TSGA10: variants seen among roughly 807,000 people sequenced by gnomAD.
TSGA10 encodes the protein testis specific 10, also known as testis-specific gene 10 protein.
Under a neutral mutation model 96.6 loss-of-function variants are expected in TSGA10, and 43 were observed. That is an observed-to-expected ratio of 0.44 (90% CI 0.35 to 0.57). The LOEUF is 0.57. Among genes scored for constraint, TSGA10 ranks in the 20% least tolerant of loss-of-function variants. TSGA10 has a pLI of 0.01. For missense variants in TSGA10, 703 were observed against 834.4 expected (o/e 0.84, Z 1.94); for synonymous variants, 229 against 269.9 (o/e 0.85, Z 1.48).
intron 10 of TSGA10, among the ~76,000 whole-genome samples, chr2:99,099,442 A>G (rs1009793698): frequency 8.5e-5 from 13 of 152,244 alleles, no homozygotes; most frequent in African/African-American, 3.1e-4. Flanking sequence ...AACAAGCATA[A>G]TATAGTGTGA....
chr2:99,146,760 C>T (rs1354828783), intron 1 of TSGA10, among the ~76,000 whole-genome samples: 1 of 152,134 alleles, frequency 6.6e-6, no homozygotes, highest in Non-Finnish European at 1.5e-5. Context: ...TCCTGAGTAG[C>T]TGGAATTACA....
At chr2:99,077,753 G>A (rs1461660121) in intron 12 of TSGA10, among the ~76,000 whole-genome samples, 1 of 151,698 alleles carries the variant, frequency 6.6e-6, no homozygotes, top group African/African-American at 2.4e-5. Context: ...AATAGAGACG[G>A]GGGTTTCACT....
At chr2:99,096,267 C>G (rs2090024123) in intron 10 of TSGA10, among the ~76,000 whole-genome samples, 1 of 152,148 alleles carries the variant, frequency 6.6e-6, no homozygotes, top group Admixed American at 6.5e-5. Flanking sequence ...CTTATCAAAA[C>G]AAAATACAGA....
chr2:99,077,003 T>A (rs1298960489), intron 12 of TSGA10, among the ~76,000 whole-genome samples: 3 of 152,110 alleles, frequency 2.0e-5, no homozygotes, highest in African/African-American at 7.2e-5. Flanking sequence ...ATCAGGTGTG[T>A]TTTTGCCCAA....
intron 2 of TSGA10, 177 bp downstream of exon 2, chr2:99,126,871 A>C (rs545889748): frequency 2.3e-6 from 1 of 441,638 alleles, no homozygotes; most frequent in East Asian, 9.1e-5. Context: ...CGTAGTTTGC[A>C]CTCACTGACT....
intron 4 of TSGA10, among the ~76,000 whole-genome samples, chr2:99,116,683 A>G (rs1335177973): frequency 2.0e-5 from 3 of 152,120 alleles, no homozygotes; most frequent in Non-Finnish European, 4.4e-5. Flanking sequence ...AATCTCAGAC[A>G]TCAGTAAGAA....
chr2:99,068,888 T>C lies in TSGA10; in HGVS notation c.1218A>G (p.Glu406=). ...GCAAAAAGAAAAAAAAAATACATAC[T>C]TCAGACTTTAATATATTCTTCAGCT... is the stretch of plus-strand genomic sequence containing the variant. The part of the protein sequence containing the change: ...VNKLKNILKS[E]ESENRQMMEQ... Residue 406 remains glutamate, a splice_region_variant and synonymous_variant, in exon 15 of 21, where the codon GAA becomes GAG. Coordinates refer to ENST00000393483, the MANE Select transcript of TSGA10 (RefSeq NM_025244.4). 7 of 1,401,446 alleles carry C rather than the reference T, an allele frequency of 5.0e-6. No individual in the cohort carries two copies. Among genetic ancestry groups the C allele is most frequent in the Non-Finnish European group, 6.6e-6 (7 of 1,061,370 alleles). The allele number at this position is 1,401,446 out of a possible 1,614,324, so 86.8% of individuals were successfully genotyped here.
intron 12 of TSGA10, among the ~76,000 whole-genome samples, chr2:99,078,398 C>A (rs1300663639): frequency 2.7e-5 from 4 of 150,536 alleles, no homozygotes; most frequent in Non-Finnish European, 5.9e-5. Context: ...ATTTTGATAT[C>A]TGAATTAGTT....
At chr2:99,057,882 C>T (rs752105095) in intron 16 of TSGA10, among the ~76,000 whole-genome samples, 5 of 152,048 alleles carry the variant, frequency 3.3e-5, no homozygotes, top group Non-Finnish European at 7.4e-5. Flanking sequence ...CAGTGTGGTA[C>T]TGATATAAGG....
At chr2:99,097,910 A>G (rs576370102) in intron 10 of TSGA10, among the ~76,000 whole-genome samples, 11 of 152,352 alleles carry the variant, frequency 7.2e-5, no homozygotes, top group African/African-American at 9.6e-5. Flanking sequence ...AGCTATGTTA[A>G]TATCACACAA....
In TSGA10 at chr2:99,018,109, T is replaced by C. The variant is rs962181869; in HGVS notation, c.2072+91A>G. The C allele has an allele frequency of 1.4e-5, 18 of 1,300,818 alleles. No individual in the cohort carries two copies. In the South Asian group the frequency reaches 2.1e-4, roughly 15 times the overall value. The allele number at this position is 1,300,818 out of a possible 1,614,324, so 80.6% of individuals were successfully genotyped here. A position where few individuals can be genotyped will look rare whatever the true frequency, so the allele number is the denominator to read the frequency against. The stretch of plus-strand genomic sequence containing the variant: ...CATGTTTAAATATCACTATTAAAGA[T>C]AGACTATTGAGTTTCCTTATTACCC... On this transcript the variant is annotated intron_variant, in intron 20 of 20. Coordinates refer to ENST00000393483, the MANE Select transcript of TSGA10 (RefSeq NM_025244.4).
intron 10 of TSGA10, among the ~76,000 whole-genome samples, chr2:99,086,126 G>T (rs1036265621): frequency 6.7e-6 from 1 of 150,090 alleles, no homozygotes; most frequent in Non-Finnish European, 1.5e-5. Flanking sequence ...CCATGACAGG[G>T]GTTTACCTAC....
intron 2 of TSGA10, among the ~76,000 whole-genome samples, chr2:99,123,751 TCTGG>T (rs1391343350): frequency 6.6e-6 from 1 of 152,232 alleles, no homozygotes; most frequent in African/African-American, 2.4e-5. Flanking sequence ...TCTTCCTATG[TCTGG>T]CTTATTGTAC....
chr2:99,099,022 A>G (rs755510153), intron 10 of TSGA10, among the ~76,000 whole-genome samples: 6 of 152,214 alleles, frequency 3.9e-5, no homozygotes, highest in African/African-American at 9.6e-5. Flanking sequence ...TTAAAAAGCC[A>G]TAAGAGACAG....
In TSGA10 at chr2:99,108,932, T is replaced by C. The variant is rs1183300814; in HGVS notation, c.111A>G (p.Lys37=). The C allele has an allele frequency of 1.2e-6, 2 of 1,608,150 alleles. No individual in the cohort carries two copies. Among genetic ancestry groups the C allele is most frequent in the Non-Finnish European group, 8.5e-7 (1 of 1,178,130 alleles). ...KTTTRDREEL[K]CMLEKYERHL... is the part of the protein sequence containing the mutation. The stretch of plus-strand genomic sequence containing the variant: ...GGCGCTCATATTTTTCCAGCATGCA[T>C]TTAAGTTCTTCACGATCTCTTGTTG... The change falls in exon 7 of 21, where the codon AAA becomes AAG. Residue 37 remains lysine (K), a synonymous_variant. Transcript: ENST00000393483.
intron 10 of TSGA10, among the ~76,000 whole-genome samples, chr2:99,101,039 G>A (rs181043799): frequency 2.6e-4 from 38 of 148,878 alleles, no homozygotes; most frequent in African/African-American, 9.1e-4. Flanking sequence ...CAAGGTGGGC[G>A]AATCACGAGG....
intron 20 of TSGA10, among the ~76,000 whole-genome samples, chr2:99,005,730 T>C (rs1441892956): frequency 2.0e-5 from 3 of 152,094 alleles, no homozygotes; most frequent in Non-Finnish European, 4.4e-5. Flanking sequence ...AGGTAATTTA[T>C]AGATTTAATG....
intron 20 of TSGA10, among the ~76,000 whole-genome samples, chr2:99,014,024 A>C (rs925682024): frequency 1.3e-5 from 2 of 152,138 alleles, no homozygotes; most frequent in African/African-American, 4.8e-5. Context: ...GCATGGTAGC[A>C]GACGTCTGTA....
intron 20 of TSGA10, among the ~76,000 whole-genome samples, chr2:99,016,043 T>C (rs1391195315): frequency 6.6e-6 from 1 of 152,094 alleles, no homozygotes; most frequent in Non-Finnish European, 1.5e-5. Context: ...CCCATGCTCA[T>C]GGAGAATCAA....
Sources: allele counts gnomAD v4.1 joint callset (sites outside exome capture counted in the v4.1 genomes callset), GRCh38; gene constraint gnomAD v4.1.1; transcripts MANE v1.5; gene names NCBI Gene and HGNC (gene_info 2026-07-23, HGNC 2026-07-21).